AFG1L: variants seen among roughly 807,000 people sequenced by gnomAD.
AFG1L encodes AFG1-like ATPase.
In AFG1L, 53 loss-of-function variants were observed where a neutral mutation model predicts 62.2. That is an observed-to-expected ratio of 0.85 (90% CI 0.68 to 1.07). The LOEUF (loss-of-function observed/expected upper bound fraction) is 1.07. Among genes scored for constraint, AFG1L ranks in the 50% least tolerant of loss-of-function variants. The pLI is 0.00. For missense variants in AFG1L, 555 were observed against 590.5 expected (o/e 0.94, Z 0.62); for synonymous variants, 228 against 210.3 (o/e 1.08, Z -0.73).
At chr6:108,343,032 A>G (rs1324776846) in intron 2 of AFG1L, among the ~76,000 whole-genome samples, 1 of 151,984 alleles carries the variant, frequency 6.6e-6, no homozygotes, top group Non-Finnish European at 1.5e-5. Context: ...GAGAGGGAAA[A>G]ATAGAAGAGA....
intron 10 of AFG1L, among the ~76,000 whole-genome samples, chr6:108,507,286 T>A (rs1774456819): frequency 6.6e-6 from 1 of 152,238 alleles, no homozygotes; most frequent in Non-Finnish European, 1.5e-5. Context: ...ATCAACACTG[T>A]CTACCTCTAG....
At chr6:108,403,795 T>C (rs1407818932) in intron 7 of AFG1L, among the ~76,000 whole-genome samples, 2 of 151,972 alleles carry the variant, frequency 1.3e-5, no homozygotes, top group Non-Finnish European at 2.9e-5. Flanking sequence ...GTACTTTTTT[T>C]TTTTTCCTCC....
chr6:108,522,167 GA>G (rs531406878), intron 12 of AFG1L, 129 bp from the exon 13 acceptor site: 208 of 705,164 alleles, frequency 2.9e-4, no homozygotes, highest in South Asian at 5.4e-4. Context: ...ATTGTATATG[GA>G]AAAAAAAAGT....
intron 8 of AFG1L, among the ~76,000 whole-genome samples, chr6:108,452,835 G>A (rs1263022669): frequency 6.6e-6 from 1 of 152,172 alleles, no homozygotes; most frequent in Non-Finnish European, 1.5e-5. Flanking sequence ...GCAGTGAATT[G>A]TGTTACAGGA....
intron 1 of AFG1L, 76 bp from the exon 2 acceptor site, chr6:108,323,749 T>A: frequency 9.6e-7 from 1 of 1,045,000 alleles, no homozygotes; most frequent in Non-Finnish European, 1.4e-6. Context: ...AAGTTTGAAT[T>A]TGACCCTTAA....
chr6:108,321,224 G>A (rs1777801523), intron 1 of AFG1L, among the ~76,000 whole-genome samples: 1 of 152,168 alleles, frequency 6.6e-6, no homozygotes, highest in Non-Finnish European at 1.5e-5. Flanking sequence ...CTTTAGATTT[G>A]ATAATTTGCT....
chr6:108,466,393 A>G (rs1562178625), intron 8 of AFG1L, among the ~76,000 whole-genome samples: 1 of 152,210 alleles, frequency 6.6e-6, no homozygotes, highest in Non-Finnish European at 1.5e-5. Context: ...GAACTACACA[A>G]ATGCTCATTG....
chr6:108,362,398 A>G (rs1431711960), intron 5 of AFG1L, among the ~76,000 whole-genome samples: 1 of 152,122 alleles, frequency 6.6e-6, no homozygotes, highest in Non-Finnish European at 1.5e-5. Flanking sequence ...CTATAATATT[A>G]GTTACTGTTT....
intron 1 of AFG1L, among the ~76,000 whole-genome samples, chr6:108,311,917 T>C (rs1009472074): frequency 6.6e-6 from 1 of 152,144 alleles, no homozygotes; most frequent in Admixed American, 6.5e-5. Context: ...CAGGCTTGAG[T>C]AAAGTGGTAC....
chr6:108,353,576 C>CT lies in AFG1L; in HGVS notation c.416-2066dup, dbSNP rs769451455. ...CATCCTTGCTAACACTTGTTATTTT[C>CT]TTTTTTTTTTTTAATAGTCGTTCTA... On this transcript the variant is annotated intron_variant, in intron 3 of 12. Coordinates refer to ENST00000368977, the MANE Select transcript of AFG1L (RefSeq NM_145315.5). 8.4e-3 allele frequency among the ~76,000 whole-genome samples: 1,197 copies of CT among 141,716 alleles called. 16 individuals carry two copies. The highest frequency in any genetic ancestry group is 0.028 in the African/African-American group (1,076 of 38,982). The allele number at this position is 141,716 out of a possible 152,430, so 93.0% of individuals were successfully genotyped here. A position where few individuals can be genotyped will look rare whatever the true frequency, so the allele number is the denominator to read the frequency against.
In AFG1L at chr6:108,507,651, A is replaced by G. The variant is rs150497798; in HGVS notation, c.1063-2561A>G. On this transcript the variant is annotated intron_variant, in intron 10 of 12. Coordinates refer to ENST00000368977, the MANE Select transcript of AFG1L (RefSeq NM_145315.5). Reference sequence around the variant, plus strand: ...AGTGAGCTTAATTATACATAACTACATACATAATATGAGGTTTTACATTTT... The same window carrying G: ...AGTGAGCTTAATTATACATAACTACGTACATAATATGAGGTTTTACATTTT... Among the ~76,000 whole-genome samples, 459 of 152,342 alleles carry G rather than the reference A, an allele frequency of 3.0e-3. 1 individual carries two copies. The highest frequency in any genetic ancestry group is 3.3e-3 in the South Asian group (16 of 4,828).
At chr6:108,410,657 AT>A (rs1454883256) in intron 7 of AFG1L, among the ~76,000 whole-genome samples, 1 of 152,174 alleles carries the variant, frequency 6.6e-6, no homozygotes, top group Non-Finnish European at 1.5e-5. Context: ...AAATGGAGAT[AT>A]TGTGGTAAGA....
chr6:108,333,637 CAG>C (rs1391355756), intron 2 of AFG1L, among the ~76,000 whole-genome samples: 1 of 151,898 alleles, frequency 6.6e-6, no homozygotes, highest in African/African-American at 2.4e-5. Flanking sequence ...AATAGAAAAA[CAG>C]ACAACCCAGT....
intron 6 of AFG1L, among the ~76,000 whole-genome samples, chr6:108,379,568 G>A (rs1780408758): frequency 6.6e-6 from 1 of 152,200 alleles, no homozygotes; most frequent in Non-Finnish European, 1.5e-5. Flanking sequence ...AAGGGCAGAG[G>A]CAGACCTGGC....
At chr6:108,331,717 A>G (rs572026307) in intron 2 of AFG1L, among the ~76,000 whole-genome samples, 55 of 152,338 alleles carry the variant, frequency 3.6e-4, no homozygotes, top group African/African-American at 1.3e-3. Context: ...GTAAATCACT[A>G]TAATTAGAAT....
intron 7 of AFG1L, among the ~76,000 whole-genome samples, chr6:108,406,221 G>A (rs1781844834): frequency 6.6e-6 from 1 of 152,124 alleles, no homozygotes. Flanking sequence ...GTTTTCCATA[G>A]CGGCTGTACC....
chr6:108,371,974 T>C (rs1044107732), intron 6 of AFG1L, among the ~76,000 whole-genome samples: 1 of 152,034 alleles, frequency 6.6e-6, no homozygotes, highest in Non-Finnish European at 1.5e-5. Context: ...CCCAGGCTAG[T>C]CTCAGACTCC....
chr6:108,460,962 T>C (rs4946921), intron 8 of AFG1L, among the ~76,000 whole-genome samples: 16,187 of 152,154 alleles, frequency 0.11, 1,242 homozygotes, highest in African/African-American at 0.2. Context: ...GTCTCAACAA[T>C]GACAACAACA....
At chr6:108,474,119 G>A (rs1030287448) in intron 8 of AFG1L, among the ~76,000 whole-genome samples, 6 of 152,134 alleles carry the variant, frequency 3.9e-5, no homozygotes. Context: ...CACTTTAGAA[G>A]CGAGAACATG....
Sources: gnomAD v4.1 joint callset for allele counts (sites outside exome capture counted in the v4.1 genomes callset) on GRCh38, gnomAD v4.1.1 for gene constraint, MANE v1.5 for transcripts, NCBI Gene and HGNC (gene_info 2026-07-23, HGNC 2026-07-21) for gene names.